Variants in MYO19 observed in about 807,000 individuals in gnomAD.
MYO19 encodes the protein unconventional myosin-XIX.
A neutral mutation model predicts 129.2 loss-of-function variants in MYO19; 132 were observed. The observed-to-expected ratio is 1.02, with a 90% CI of 0.89 to 1.18. The LOEUF is 1.18. MYO19 is among the 50% of genes most tolerant of loss of function. The pLI is 0.00. For synonymous variants in MYO19, 531 were observed against 477.2 expected (o/e 1.11, Z -1.47); for missense variants, 1,210 against 1,216.7 (o/e 0.99, Z 0.08).
In MYO19 at chr17:36,510,770, C is replaced by A; in HGVS notation, c.1133G>T (p.Cys378Phe). ...CCGCGCATAGATCAGTTTGGCCAGG[C>A]AGTCTCTACGGGTGTCACACTCGGC... ...ARAECDTRRD[C>F]LAKLIYARLF... is the part of the protein sequence containing the mutation. The change falls in exon 13 of 26, where the codon TGC becomes TTC. Residue 378 changes from cysteine to phenylalanine, a missense_variant. Cys to Phe is a radical substitution (Grantham distance 205). Coordinates refer to ENST00000614623, the MANE Select transcript of MYO19 (RefSeq NM_001163735.2). 3.1e-6 allele frequency: 5 copies of A among 1,608,018 alleles called. No homozygotes were observed. The highest frequency in any genetic ancestry group is 1.1e-5 in the South Asian group (1 of 89,712).
At chr17:36,522,028 T>TCAAAAAAAAAAAAAAA (rs1567777190) in intron 6 of MYO19, among the ~76,000 whole-genome samples, 2 of 115,298 alleles carry the variant, frequency 1.7e-5, no homozygotes, top group East Asian at 2.6e-4. Flanking sequence ...AGACTGTCTT[T>TCAAAAAAAAAAAAAAA]AAAAAAAAAA....
chr17:36,533,735 T>C (rs1318396223), intron 2 of MYO19: 2 of 152,294 alleles, frequency 1.3e-5, no homozygotes, highest in Non-Finnish European at 2.9e-5. Flanking sequence ...GGGACAGCCA[T>C]GCAGAGGGCT....
chr17:36,538,343 C>T (rs1156937814), upstream of MYO19: 9 of 1,614,110 alleles, frequency 5.6e-6, no homozygotes, highest in Non-Finnish European at 7.6e-6. Flanking sequence ...GGAAACTTAT[C>T]CAGTCACCTG....
rs2071216256 is a variant in MYO19 at position 36,498,575 on chromosome 17, T to C, written c.2464-16A>G. ...CCATTCTGATCTTAAAAAGCAAATATCCCTTTATAGCTTTAGATTTATCTA... is the reference window on the plus strand; with the variant it reads ...CCATTCTGATCTTAAAAAGCAAATACCCCTTTATAGCTTTAGATTTATCTA... On this transcript the variant is annotated splice_polypyrimidine_tract_variant and intron_variant, in intron 24 of 25. Transcript: ENST00000614623. 3 of 1,601,736 alleles carry C rather than the reference T, an allele frequency of 1.9e-6. No homozygotes were observed. Among genetic ancestry groups the C allele is most frequent in the East Asian group, 2.2e-5 (1 of 44,592 alleles).
intron 6 of MYO19, 103 bp downstream of exon 6, chr17:36,525,125 T>C (rs1403435746): frequency 2.4e-6 from 2 of 835,136 alleles, no homozygotes; most frequent in South Asian, 1.5e-5. Context: ...GTGGGAATGA[T>C]TAGGAAGCAA....
rs565232400 is a variant in MYO19, at chr17:36,496,091, C to T, written c.*160G>A. 56 of 996,800 alleles carry T rather than the reference C, an allele frequency of 5.6e-5. 2 individuals carry two copies. Among genetic ancestry groups the T allele is most frequent in the South Asian group, 1.3e-4 (8 of 62,554 alleles). 61.7% of individuals were successfully genotyped at this position (996,800 alleles called of 1,614,324 possible). On this transcript the variant is annotated 3_prime_UTR_variant, in exon 26 of 26. Transcript: ENST00000614623. Reference sequence around the variant, plus strand: ...TAGCCTGGAACCCCAGGCCCACTGACGCACTGGGCACGGGGCTCTGGGTCG... The same window carrying T: ...TAGCCTGGAACCCCAGGCCCACTGATGCACTGGGCACGGGGCTCTGGGTCG...
Position 36,510,873 on chromosome 17 carries a change from C to A in MYO19, c.1030G>T (p.Val344Leu), listed in dbSNP as rs1014220887. 5 of 1,582,530 alleles carry A rather than the reference C, an allele frequency of 3.2e-6. No individual in the cohort carries two copies. In the Admixed American group the frequency reaches 7.2e-5, roughly 23 times the overall value. ...CTAATCTGCACCATCTCCAGCAGCA[C>A]GTCCTCTGGGAGCCCCAGCAGCGAG... ...AASLLGLPED[V>L]LLEMVQIRTI... is the part of the protein sequence containing the mutation. Residue 344 changes from valine to leucine, a missense_variant, in exon 13 of 26, where the codon GTG becomes TTG. By Grantham distance (32) the Val-to-Leu change is conservative. Transcript: ENST00000614623.
intron 2 of MYO19, 97 bp downstream of exon 2, chr17:36,533,856 C>G (rs989719567): frequency 6.6e-6 from 1 of 152,258 alleles, no homozygotes; most frequent in Non-Finnish European, 1.5e-5. Context: ...TGGCACAGAA[C>G]CCAAGAACTA....
Position 36,528,212 on chromosome 17 carries a change from A to C in MYO19, c.13-10T>G, listed in dbSNP as rs1244409737. 3.8e-6 allele frequency: 6 copies of C among 1,563,228 alleles called. No individual in the cohort carries two copies. The highest frequency in any genetic ancestry group is 5.2e-6 in the Non-Finnish European group (6 of 1,153,292). On this transcript the variant is annotated splice_polypyrimidine_tract_variant and intron_variant, in intron 3 of 25. Coordinates refer to ENST00000614623, the MANE Select transcript of MYO19 (RefSeq NM_001163735.2). ...GATTGTGGCCATTGACCTGGAAGAG[A>C]TAACGTGAAGGTGAGGCCAGGCACA...
chr17:36,508,980 T>C, intron 14 of MYO19, 82 bp downstream of exon 14: 1 of 1,225,374 alleles, frequency 8.2e-7, no homozygotes, highest in Middle Eastern at 2.0e-4. Flanking sequence ...AGTCACACAG[T>C]GGACCCAGGG....
chr17:36,530,183 G>A (rs968959495), intron 3 of MYO19, among the ~76,000 whole-genome samples: 21 of 152,314 alleles, frequency 1.4e-4, no homozygotes, highest in Admixed American at 1.3e-3. Flanking sequence ...ATTATGGCAT[G>A]TGCCTGTAAC....
At position 36,509,208 on chromosome 17, in the gene MYO19, C is replaced by G; in HGVS notation, c.1158-73G>C. On this transcript the variant is annotated intron_variant, in intron 13 of 25. Transcript: ENST00000614623. ...AAAGGGGTGGTAAAATTGCTCCCCC[C>G]ATCAGGGTGCTACACCCTGGGGGGC... 2.2e-6 allele frequency: 3 copies of G among 1,367,698 alleles called. 1 individual carries two copies. In the South Asian group the frequency reaches 3.6e-5, roughly 17 times the overall value. 84.7% of individuals were successfully genotyped at this position (1,367,698 alleles called of 1,614,324 possible). A position where few individuals can be genotyped will look rare whatever the true frequency, so the allele number is the denominator to read the frequency against.
Position 36,496,228 on chromosome 17 carries a change from T to C in MYO19, c.*23A>G, listed in dbSNP as rs747937044. ...CAAGGCAGGGGGCAGGAAAAGGCCTTGTGGAAACAAAGGCACCAAGGATCA... is the reference window on the plus strand; with the variant it reads ...CAAGGCAGGGGGCAGGAAAAGGCCTCGTGGAAACAAAGGCACCAAGGATCA... On this transcript the variant is annotated 3_prime_UTR_variant, in exon 26 of 26. Coordinates refer to ENST00000614623, the MANE Select transcript of MYO19 (RefSeq NM_001163735.2). 2.5e-6 allele frequency: 4 copies of C among 1,612,798 alleles called. No individual in the cohort carries two copies. The highest frequency in any genetic ancestry group is 3.3e-5 in the Admixed American group (2 of 59,990).
rs1173444105 is a variant in MYO19, at chr17:36,515,989, G to A, written c.416C>T (p.Thr139Ile). The change falls in exon 7 of 26, where the codon ACA becomes ATA. Residue 139 changes from threonine to isoleucine, a missense_variant and splice_region_variant. Coordinates refer to ENST00000614623, the MANE Select transcript of MYO19 (RefSeq NM_001163735.2). ...CTTCATTAGGCAGCGAGACGTCCAT[G>A]TCTGTGGCAGAAACAGCCCTGTGGG... Reference protein sequence around the residue: ...VVSGESGAGKTWTSRCLMKFY... With the variant: ...VVSGESGAGKIWTSRCLMKFY... 6.2e-7 allele frequency: 1 copy of A among 1,608,914 alleles called. No individual in the cohort carries two copies. The highest frequency in any genetic ancestry group is 1.1e-5 in the South Asian group (1 of 90,854).
chr17:36,513,595 G>C, intron 10 of MYO19, 34 bp downstream of exon 10: 1 of 1,613,804 alleles, frequency 6.2e-7, no homozygotes, highest in Non-Finnish European at 8.5e-7. Context: ...GTGATGCTGG[G>C]TCAGCGCAAG....
Position 36,504,014 on chromosome 17 carries a change from TC to T in MYO19, c.1911del (p.Ser638AlafsTer29). ...ACGAGGCCACAGGCCTCCAGCTGGC[TC>T]AGGACCTGCAAGGGTGGGGAGACAG... Reference protein sequence around the residue: ...QAQTFLQEEVLSQLEACGLVE... With the variant: ...QAQTFLQEEVXSQLEACGLVE... On this transcript the variant is annotated frameshift_variant, in exon 20 of 26. Coordinates refer to ENST00000614623, the MANE Select transcript of MYO19 (RefSeq NM_001163735.2). LOFTEE classifies it high-confidence loss of function. 1 of 1,572,580 alleles carries T rather than the reference TC, an allele frequency of 6.4e-7. No homozygotes were observed. Among genetic ancestry groups the T allele is most frequent in the Non-Finnish European group, 8.6e-7 (1 of 1,161,626 alleles).
chr17:36,504,005 C>G lies in MYO19; in HGVS notation c.1921G>C (p.Glu641Gln). ...FLQEEVLSQL[E>Q]ACGLVETIHI... ...ATGGTCTCCACGAGGCCACAGGCCTCCAGCTGGCTCAGGACCTGCAAGGGT... is the reference window on the plus strand; with the variant it reads ...ATGGTCTCCACGAGGCCACAGGCCTGCAGCTGGCTCAGGACCTGCAAGGGT... The change falls in exon 20 of 26, where the codon GAG becomes CAG. Residue 641 changes from glutamate (E) to glutamine (Q), a missense_variant. Coordinates refer to ENST00000614623, the MANE Select transcript of MYO19 (RefSeq NM_001163735.2). 1 of 1,577,942 alleles carries G rather than the reference C, an allele frequency of 6.3e-7. No homozygotes were observed.
intron 6 of MYO19, among the ~76,000 whole-genome samples, chr17:36,518,599 T>C (rs1031269718): frequency 2.2e-4 from 31 of 140,218 alleles, no homozygotes; most frequent in Non-Finnish European, 3.5e-4. Context: ...TGTATATATA[T>C]ATAAAAGTAT....
chr17:36,518,162 A>G (rs900054476), intron 6 of MYO19, among the ~76,000 whole-genome samples: 9 of 151,786 alleles, frequency 5.9e-5, no homozygotes, highest in African/African-American at 2.2e-4. Context: ...ATTTTCTAAT[A>G]CCGACTTGGT....
Sources: allele counts gnomAD v4.1 joint callset (sites outside exome capture counted in the v4.1 genomes callset), GRCh38; gene constraint gnomAD v4.1.1; transcripts MANE v1.5; gene names NCBI Gene and HGNC (gene_info 2026-07-23, HGNC 2026-07-21).